ASB16: variants seen among roughly 807,000 people sequenced by gnomAD.
ASB16 encodes ankyrin repeat and SOCS box protein 16.
ASB16 carries 44 observed loss-of-function variants against 39.1 expected under a neutral mutation model. That is an observed-to-expected ratio of 1.13 (90% CI 0.88 to 1.45). The LOEUF is 1.45. ASB16 is among the 40% of genes most tolerant of loss of function. The probability of loss-of-function intolerance (pLI) is 0.00; values close to 1 mark genes in which losing one functional copy is unlikely to be tolerated. For missense variants in ASB16, 698 were observed against 634.5 expected (o/e 1.10, Z -1.07); for synonymous variants, 305 against 286.7 (o/e 1.06, Z -0.64).
chr17:44,176,396 T>G, intron 2 of ASB16: 1 of 338,620 alleles, frequency 3.0e-6, no homozygotes, highest in Non-Finnish European at 5.4e-6. Context: ...GACAACTGAA[T>G]GATTCAGAAC....
At chr17:44,171,142 G>T (rs752971431) in intron 1 of ASB16, 52 bp downstream of exon 1, 10 of 1,554,340 alleles carry the variant, frequency 6.4e-6, no homozygotes, top group Non-Finnish European at 8.7e-6. Context: ...AGGGGAGTGG[G>T]TGGGGAAGGG....
At position 44,177,908 on chromosome 17, in the gene ASB16, C is replaced by T. The variant is rs1302486516; in HGVS notation, c.1176+186C>T. On this transcript the variant is annotated intron_variant, in intron 4 of 4. Coordinates refer to ENST00000293414, the MANE Select transcript of ASB16 (RefSeq NM_080863.5). Reference sequence around the variant, plus strand: ...GGCTGACCCCTAACTCCACACACCTCTCCTGCCTCCCTCACTTGCATCAGC... The same window carrying T: ...GGCTGACCCCTAACTCCACACACCTTTCCTGCCTCCCTCACTTGCATCAGC... 7.8e-6 allele frequency: 6 copies of T among 765,126 alleles called. No homozygotes were observed. The South Asian group carries it at 1.1e-4, about 14-fold the overall frequency. The allele number at this position is 765,126 out of a possible 1,614,324, so 47.4% of individuals were successfully genotyped here. A position where few individuals can be genotyped will look rare whatever the true frequency, so the allele number is the denominator to read the frequency against.
intron 2 of ASB16, among the ~76,000 whole-genome samples, chr17:44,172,687 G>C (rs980052830): frequency 6.7e-6 from 1 of 150,118 alleles, no homozygotes; most frequent in Non-Finnish European, 1.5e-5. Context: ...GTGCAGTGGC[G>C]TGGTCTCAGC....
At chr17:44,178,039 A>C in intron 4 of ASB16, 166 bp from the exon 5 acceptor site, 1 of 746,780 alleles carries the variant, frequency 1.3e-6, no homozygotes, top group South Asian at 1.8e-5. Context: ...GTGGAGCCCC[A>C]GCCCGCATTA....
At chr17:44,173,106 A>C (rs1289334459) in intron 2 of ASB16, among the ~76,000 whole-genome samples, 1 of 146,674 alleles carries the variant, frequency 6.8e-6, no homozygotes, top group East Asian at 2.0e-4. Flanking sequence ...AAAAAAAAAA[A>C]AGCCGGGCGC....
At chr17:44,171,965 C>T in intron 1 of ASB16, 81 bp from the exon 2 acceptor site, 1 of 1,444,398 alleles carries the variant, frequency 6.9e-7, no homozygotes, top group Non-Finnish European at 9.4e-7. Context: ...CCAGTGTCAG[C>T]TGTCAGCTGG....
rs2054249120 is a variant in ASB16 at position 44,172,215 on chromosome 17, CTG to C, written c.476_477del (p.Val159AlafsTer11). On this transcript the variant is annotated frameshift_variant, in exon 2 of 5. Transcript: ENST00000293414. LOFTEE classifies it high-confidence loss of function. ...HEACARAQFD[C>X]VRLLLTFGAK... Reference sequence around the variant, plus strand: ...AGGCCTGTGCCCGAGCCCAGTTTGACTGTGTGCGGCTGCTGCTGACCTTCGGA... The same window carrying C: ...AGGCCTGTGCCCGAGCCCAGTTTGACTGTGCGGCTGCTGCTGACCTTCGGA... The C allele has an allele frequency of 6.2e-7, 1 of 1,613,622 alleles. No homozygotes were observed. Among genetic ancestry groups the C allele is most frequent in the Non-Finnish European group, 8.5e-7 (1 of 1,180,058 alleles).
intron 1 of ASB16, among the ~76,000 whole-genome samples, 174 bp downstream of exon 1, chr17:44,171,264 T>C (rs1940717680): frequency 6.6e-6 from 1 of 152,112 alleles, no homozygotes; most frequent in African/African-American, 2.4e-5. Flanking sequence ...AGTCTGTATG[T>C]CTTTTAAGAA....
chr17:44,176,652 G>A, intron 2 of ASB16, 86 bp from the exon 3 acceptor site: 3 of 1,600,468 alleles, frequency 1.9e-6, no homozygotes, highest in Middle Eastern at 1.7e-4. Flanking sequence ...GCTGAGAGGG[G>A]TGGAAAGGCA....
intron 2 of ASB16, among the ~76,000 whole-genome samples, chr17:44,174,514 T>A (rs962877136): frequency 1.3e-5 from 2 of 152,088 alleles, no homozygotes; most frequent in African/African-American, 4.8e-5. Context: ...TTTTTTAAGG[T>A]TGGCAGTTTC....
rs2054294896 is a variant in ASB16 at position 44,176,725 on chromosome 17, C to G, written c.570-13C>G. On this transcript the variant is annotated splice_polypyrimidine_tract_variant and intron_variant, in intron 2 of 4. Transcript: ENST00000293414. ...TCAGGATTTTCCTCAGGACCTTGCT[C>G]TCTTGTCCCCAGGTGCGCCAAGTTG... 1.2e-6 allele frequency: 2 copies of G among 1,613,846 alleles called. No homozygotes were observed. The highest frequency in any genetic ancestry group is 1.7e-6 in the Non-Finnish European group (2 of 1,179,926).
Position 44,175,400 on chromosome 17 carries a change from T to TAA in ASB16, c.570-1310_570-1309dup, listed in dbSNP as rs10583057. ...CTGGGCAACAGAATGAGACTCCATC[T>TAA]AAAAAAAAAAAAAAAAAAAAAAAAA... On this transcript the variant is annotated intron_variant, in intron 2 of 4. Coordinates refer to ENST00000293414, the MANE Select transcript of ASB16 (RefSeq NM_080863.5). Among the ~76,000 whole-genome samples the TAA allele has an allele frequency of 8.1e-3, 453 of 56,236 alleles. 11 individuals carry two copies. The highest frequency in any genetic ancestry group is 0.028 in the African/African-American group (403 of 14,458). The allele number at this position is 56,236 out of a possible 152,430, so 36.9% of individuals were successfully genotyped here.
Position 44,176,977 on chromosome 17 carries a change from T to A in ASB16, c.809T>A (p.Leu270His), listed in dbSNP as rs557062738. The change falls in exon 3 of 5, where the codon CTC becomes CAC. Residue 270 changes from leucine to histidine, a missense_variant. Physicochemically the swap from Leu to His is moderately conservative, Grantham distance 99 (BLOSUM62 -3). Transcript: ENST00000293414. ...CGACACCAGGCTGCGGCGCGCCGGC[T>A]CCTGGAGGCTGGAGCTGATGCCCGG... is the stretch of plus-strand genomic sequence containing the variant. ...CRRHQAAARR[L>H]LEAGADARAA... The A allele has an allele frequency of 6.7e-7, 1 of 1,488,822 alleles. No homozygotes were observed. Among genetic ancestry groups the A allele is most frequent in the East Asian group, 2.7e-5 (1 of 37,166 alleles). 92.2% of individuals were successfully genotyped at this position (1,488,822 alleles called of 1,614,324 possible). A position where few individuals can be genotyped will look rare whatever the true frequency, so the allele number is the denominator to read the frequency against.
Position 44,176,757 on chromosome 17 carries a change from G to C in ASB16, c.589G>C (p.Glu197Gln), listed in dbSNP as rs753254670. The C allele has an allele frequency of 5.6e-6, 9 of 1,613,816 alleles. No homozygotes were observed. Among genetic ancestry groups the C allele is most frequent in the Admixed American group, 1.7e-5 (1 of 60,030 alleles). The change falls in exon 3 of 5, where the codon GAA becomes CAA. Residue 197 changes from glutamate (E) to glutamine (Q), a missense_variant. By Grantham distance (29) the Glu-to-Gln change is conservative. Coordinates refer to ENST00000293414, the MANE Select transcript of ASB16 (RefSeq NM_080863.5). ...ESLQCAKLLLEAGATVNLAAG... is the reference protein window; with the variant it reads ...ESLQCAKLLLQAGATVNLAAG... ...CCCCAGGTGCGCCAAGTTGCTGCTGGAAGCAGGAGCGACGGTGAACCTGGC... is the reference window on the plus strand; with the variant it reads ...CCCCAGGTGCGCCAAGTTGCTGCTGCAAGCAGGAGCGACGGTGAACCTGGC...
At chr17:44,178,122 G>A (rs999817048) in intron 4 of ASB16, 83 bp from the exon 5 acceptor site, 26 of 1,486,164 alleles carry the variant, frequency 1.7e-5, no homozygotes, top group Admixed American at 7.0e-5. Flanking sequence ...GGTGCATGCT[G>A]CAAAATCCCA....
chr17:44,173,957 G>T (rs1000903548), intron 2 of ASB16, among the ~76,000 whole-genome samples: 2 of 151,702 alleles, frequency 1.3e-5, no homozygotes, highest in Non-Finnish European at 2.9e-5. Context: ...TTGCAGCCTC[G>T]ATCTCCTGGG....
intron 2 of ASB16, 28 bp downstream of exon 2, chr17:44,172,341 G>A: frequency 6.4e-7 from 1 of 1,574,248 alleles, no homozygotes; most frequent in African/African-American, 1.6e-5. Flanking sequence ...GAGACAGTTT[G>A]GGGAGAAATG....
chr17:44,174,284 A>G (rs2054268678), intron 2 of ASB16, among the ~76,000 whole-genome samples: 1 of 151,840 alleles, frequency 6.6e-6, no homozygotes, highest in African/African-American at 2.4e-5. Context: ...TGACCTCGTG[A>G]TCCACCCGCC....
rs2054247665 is a variant in ASB16 at position 44,172,111 on chromosome 17, T to G, written c.367T>G (p.Tyr123Asp). ...CCTCGCCATCGCTACAGCCCGAGGC[T>G]ACACAGACTGTGCTCGACACCTGAT... Reference protein sequence around the residue: ...APLAIATARGYTDCARHLIRQ... With the variant: ...APLAIATARGDTDCARHLIRQ... The change falls in exon 2 of 5, where the codon TAC becomes GAC. Residue 123 changes from tyrosine to aspartate, a missense_variant. Physicochemically the swap from Tyr to Asp is radical, Grantham distance 160 (BLOSUM62 -3). Coordinates refer to ENST00000293414, the MANE Select transcript of ASB16 (RefSeq NM_080863.5). 6.2e-7 allele frequency: 1 copy of G among 1,611,566 alleles called. No individual in the cohort carries two copies. The highest frequency in any genetic ancestry group is 1.7e-5 in the Admixed American group (1 of 59,958).
Sources: allele counts gnomAD v4.1 joint callset (sites outside exome capture counted in the v4.1 genomes callset), GRCh38; gene constraint gnomAD v4.1.1; transcripts MANE v1.5; gene names NCBI Gene and HGNC (gene_info 2026-07-23, HGNC 2026-07-21).